The following EFNB3 variants were observed in gnomAD, a reference collection of about 807,000 sequenced individuals.
The protein encoded by EFNB3 is ephrin-B3.
Under a neutral mutation model 29.8 loss-of-function variants are expected in EFNB3, and 14 were observed. The observed-to-expected ratio is 0.47, with a 90% CI of 0.31 to 0.73. The LOEUF (loss-of-function observed/expected upper bound fraction) is 0.73. Ranked by LOEUF, EFNB3 falls within the 30% of genes least tolerant of loss-of-function variation. The pLI is 0.05. For missense variants in EFNB3, 408 were observed against 458.0 expected (o/e 0.89, Z 1.00); for synonymous variants, 216 against 191.6 (o/e 1.13, Z -1.05).
In EFNB3 at chr17:7,708,386, G is replaced by T; in HGVS notation, c.416-49G>T. 6.3e-7 allele frequency: 1 copy of T among 1,595,666 alleles called. No homozygotes were observed. Among genetic ancestry groups the T allele is most frequent in the South Asian group, 1.1e-5 (1 of 88,308 alleles). ...ACACCAGGGTGTGGGGCCAGAATCA[G>T]GGCTAGATTCTGGAGTGCCAACCTC... On this transcript the variant is annotated intron_variant, in intron 2 of 4. Transcript: ENST00000226091. The surrounding 1 kb of genome is among the most constrained non-coding windows in gnomAD (Gnocchi z 6.8).
At position 7,709,790 on chromosome 17, in the gene EFNB3, C is replaced by A; in HGVS notation, c.*214C>A. 6.4e-6 allele frequency: 4 copies of A among 624,662 alleles called. No homozygotes were observed. The highest frequency in any genetic ancestry group is 1.1e-5 in the Non-Finnish European group (4 of 354,780). The allele number at this position is 624,662 out of a possible 1,614,324, so 38.7% of individuals were successfully genotyped here. On this transcript the variant is annotated 3_prime_UTR_variant, in exon 5 of 5. Transcript: ENST00000226091. The surrounding 1 kb of genome is among the most constrained non-coding windows in gnomAD (Gnocchi z 4.5). ...CCTCCCGTTTGGCCATGGGTGCCCCCCTCTGTCTCAGTGTCCCTGGATCCT... is the reference window on the plus strand; with the variant it reads ...CCTCCCGTTTGGCCATGGGTGCCCCACTCTGTCTCAGTGTCCCTGGATCCT...
At chr17:7,706,007 TCTGTGGGAGGC>T (rs887066967) in intron 1 of EFNB3, among the ~76,000 whole-genome samples, 7 of 150,512 alleles carry the variant, frequency 4.7e-5, no homozygotes, top group South Asian at 2.1e-4. Context: ...GGTATTTGGA[TCTGTGGGAGGC>T]CTGCGTCGGG....
At position 7,705,762 on chromosome 17, in the gene EFNB3, G is replaced by A; in HGVS notation, c.122+42G>A. 6.5e-7 allele frequency: 1 copy of A among 1,527,586 alleles called. No individual in the cohort carries two copies. Among genetic ancestry groups the A allele is most frequent in the Non-Finnish European group, 8.7e-7 (1 of 1,151,522 alleles). The allele number at this position is 1,527,586 out of a possible 1,614,324, so 94.6% of individuals were successfully genotyped here. On this transcript the variant is annotated intron_variant, in intron 1 of 4. Coordinates refer to ENST00000226091, the MANE Select transcript of EFNB3 (RefSeq NM_001406.4). The surrounding 1 kb of genome is among the most constrained non-coding windows in gnomAD (Gnocchi z 5.4). ...TGGGGAGATCCCAGACCCTAGGGCA[G>A]TGGGTAGGGAAGCTCTGGGGGCTTG... is the stretch of plus-strand genomic sequence containing the variant.
At position 7,705,929 on chromosome 17, in the gene EFNB3, A is replaced by C. The variant is rs1490765372; in HGVS notation, c.122+209A>C. Among the ~76,000 whole-genome samples, 1 of 151,482 alleles carries C rather than the reference A, an allele frequency of 6.6e-6. No homozygotes were observed. The highest frequency in any genetic ancestry group is 2.4e-5 in the African/African-American group (1 of 41,200). On this transcript the variant is annotated intron_variant, in intron 1 of 4. Coordinates refer to ENST00000226091, the MANE Select transcript of EFNB3 (RefSeq NM_001406.4). The surrounding 1 kb of genome is among the most constrained non-coding windows in gnomAD (Gnocchi z 5.4). ...GGATGCGGGTGGTGCTATGGATGTC[A>C]GGAGTTTGGAGACCCCAAAGGGGCA...
intron 1 of EFNB3, among the ~76,000 whole-genome samples, chr17:7,706,220 C>T (rs1032803481): frequency 2.9e-4 from 44 of 151,398 alleles, no homozygotes; most frequent in African/African-American, 1.0e-3. Context: ...CCTTGACTCT[C>T]TTCACAGTCT....
Position 7,709,284 on chromosome 17 carries a change from G to A in EFNB3, c.731G>A (p.Gly244Glu). The A allele has an allele frequency of 6.3e-7, 1 of 1,580,684 alleles. No homozygotes were observed. Among genetic ancestry groups the A allele is most frequent in the East Asian group, 2.3e-5 (1 of 44,416 alleles). The stretch of plus-strand genomic sequence containing the variant: ...GCGCTGCTCTTGCTGGGCGTGGCAG[G>A]GGCTGGGGGTGCCATGTGTTGGCGG... ...GLALLLLGVA[G>E]AGGAMCWRRR... Residue 244 changes from glycine to glutamate, a missense_variant, in exon 5 of 5, where the codon GGG (glycine) becomes GAG (glutamate). Gly to Glu is a moderately conservative substitution (Grantham distance 98). Coordinates refer to ENST00000226091, the MANE Select transcript of EFNB3 (RefSeq NM_001406.4). This position sits in a 1 kb window ranked among gnomAD's most constrained non-coding sequence, Gnocchi z 4.5.
chr17:7,709,708 G>T lies in EFNB3; in HGVS notation c.*132G>T. The T allele has an allele frequency of 1.1e-6, 1 of 908,060 alleles. No individual in the cohort carries two copies. The highest frequency in any genetic ancestry group is 2.6e-5 in the East Asian group (1 of 37,898). 56.3% of individuals were successfully genotyped at this position (908,060 alleles called of 1,614,324 possible). A position where few individuals can be genotyped will look rare whatever the true frequency, so the allele number is the denominator to read the frequency against. ...CCCAGCCCCTTCACTCCTCCCGGCTGCTGTCCTCGTCTCCACTTTTAGGAT... is the reference window on the plus strand; with the variant it reads ...CCCAGCCCCTTCACTCCTCCCGGCTTCTGTCCTCGTCTCCACTTTTAGGAT... On this transcript the variant is annotated 3_prime_UTR_variant, in exon 5 of 5. Transcript: ENST00000226091. This position sits in a 1 kb window ranked among gnomAD's most constrained non-coding sequence, Gnocchi z 4.5.
chr17:7,707,468 C>T (rs1038580728), intron 1 of EFNB3, among the ~76,000 whole-genome samples: 2 of 152,224 alleles, frequency 1.3e-5, no homozygotes, highest in African/African-American at 4.8e-5. Context: ...CCACCCTCCA[C>T]ACAGCCCCTC....
chr17:7,707,942 A>G lies in EFNB3; in HGVS notation c.123-16A>G, dbSNP rs183841931. On this transcript the variant is annotated splice_polypyrimidine_tract_variant and intron_variant, in intron 1 of 4. Coordinates refer to ENST00000226091, the MANE Select transcript of EFNB3 (RefSeq NM_001406.4). ...CTGACATCTCTTCCTTGTCCACCTTACCCTCCTCCCCATAGGTTCCAGGCA... is the reference window on the plus strand; with the variant it reads ...CTGACATCTCTTCCTTGTCCACCTTGCCCTCCTCCCCATAGGTTCCAGGCA... 684 of 1,594,218 alleles carry G rather than the reference A, an allele frequency of 4.3e-4. 9 individuals carry two copies. The East Asian group carries it at 0.011, about 26-fold the overall frequency.
chr17:7,706,093 C>A (rs2074326828), intron 1 of EFNB3, among the ~76,000 whole-genome samples: 1 of 150,446 alleles, frequency 6.6e-6, no homozygotes, highest in Admixed American at 6.7e-5. Context: ...TTAGGTGCTG[C>A]GAGTCGCTGA....
In EFNB3 at chr17:7,708,147, T is replaced by G; in HGVS notation, c.312T>G (p.Cys104Trp). The G allele has an allele frequency of 6.2e-7, 1 of 1,614,066 alleles. No homozygotes were observed. Among genetic ancestry groups the G allele is most frequent in the Non-Finnish European group, 8.5e-7 (1 of 1,180,022 alleles). ...CTGCCCCAAACCTCCTTCTCACTTG[T>G]GATCGCCCAGACCTGGATCTCCGCT... Reference protein sequence around the residue: ...APPAPNLLLTCDRPDLDLRFT... With the variant: ...APPAPNLLLTWDRPDLDLRFT... The change falls in exon 2 of 5, where the codon TGT becomes TGG. Residue 104 changes from cysteine to tryptophan, a missense_variant. Transcript: ENST00000226091. This position sits in a 1 kb window ranked among gnomAD's most constrained non-coding sequence, Gnocchi z 6.8.
chr17:7,709,615 T>C lies in EFNB3; in HGVS notation c.*39T>C. The C allele has an allele frequency of 6.2e-7, 1 of 1,612,748 alleles. No individual in the cohort carries two copies. The highest frequency in any genetic ancestry group is 8.5e-7 in the Non-Finnish European group (1 of 1,179,594). On this transcript the variant is annotated 3_prime_UTR_variant, in exon 5 of 5. Transcript: ENST00000226091. The surrounding 1 kb of genome is among the most constrained non-coding windows in gnomAD (Gnocchi z 4.5). ...GTGGCTATCCTGAATCCAGCCCTTCTTGGGGTGCTCCTCCAGTTTAATTCC... is the reference window on the plus strand; with the variant it reads ...GTGGCTATCCTGAATCCAGCCCTTCCTGGGGTGCTCCTCCAGTTTAATTCC...
At position 7,709,507 on chromosome 17, in the gene EFNB3, T is replaced by A. The variant is rs761368685; in HGVS notation, c.954T>A (p.Tyr318Ter). 1.2e-6 allele frequency: 2 copies of A among 1,613,888 alleles called. No homozygotes were observed. Among genetic ancestry groups the A allele is most frequent in the Non-Finnish European group, 1.7e-6 (2 of 1,179,916 alleles). ...CPHYEKVSGD[Y>*]GHPVYIVQDG... ...ACTATGAGAAGGTGAGTGGTGACTA[T>A]GGGCATCCTGTGTATATCGTGCAGG... Residue 318 changes from tyrosine to a stop codon, truncating the protein, a stop_gained, in exon 5 of 5, where the codon TAT (tyrosine) becomes TAA (stop). Coordinates refer to ENST00000226091, the MANE Select transcript of EFNB3 (RefSeq NM_001406.4). LOFTEE classifies it high-confidence loss of function. The surrounding 1 kb of genome is among the most constrained non-coding windows in gnomAD (Gnocchi z 4.5).
At chr17:7,706,055 C>T (rs1321407267) in intron 1 of EFNB3, among the ~76,000 whole-genome samples, 1 of 151,128 alleles carries the variant, frequency 6.6e-6, no homozygotes, top group Non-Finnish European at 1.5e-5. Context: ...AGCCTGGTTA[C>T]TGTCAGCTCT....
rs1597426068 is a variant in EFNB3 at position 7,705,849 on chromosome 17, A to G, written c.122+129A>G. On this transcript the variant is annotated intron_variant, in intron 1 of 4. Coordinates refer to ENST00000226091, the MANE Select transcript of EFNB3 (RefSeq NM_001406.4). This position sits in a 1 kb window ranked among gnomAD's most constrained non-coding sequence, Gnocchi z 5.4. Reference sequence around the variant, plus strand: ...GAAGGTGCTGGTGCTCTGATGTGTGATGGGTTACTAGACAGGTGATCTTGG... The same window carrying G: ...GAAGGTGCTGGTGCTCTGATGTGTGGTGGGTTACTAGACAGGTGATCTTGG... 1 of 1,144,128 alleles carries G rather than the reference A, an allele frequency of 8.7e-7. No individual in the cohort carries two copies. The highest frequency in any genetic ancestry group is 1.6e-5 in the African/African-American group (1 of 60,848). The allele number at this position is 1,144,128 out of a possible 1,614,324, so 70.9% of individuals were successfully genotyped here.
Position 7,709,766 on chromosome 17 carries a change from C to A in EFNB3, c.*190C>A. On this transcript the variant is annotated 3_prime_UTR_variant, in exon 5 of 5. Transcript: ENST00000226091. This position sits in a 1 kb window ranked among gnomAD's most constrained non-coding sequence, Gnocchi z 4.5. ...GATTCCCACTGCCCCACTTCCTGCC[C>A]TCCCGTTTGGCCATGGGTGCCCCCC... The A allele has an allele frequency of 1.5e-6, 1 of 676,116 alleles. No homozygotes were observed. The highest frequency in any genetic ancestry group is 2.6e-5 in the Admixed American group (1 of 38,030). 41.9% of individuals were successfully genotyped at this position (676,116 alleles called of 1,614,324 possible).
At position 7,709,477 on chromosome 17, in the gene EFNB3, C is replaced by T. The variant is rs759736010; in HGVS notation, c.924C>T (p.Cys308=). 3 of 1,613,668 alleles carry T rather than the reference C, an allele frequency of 1.9e-6. No homozygotes were observed. Among genetic ancestry groups the T allele is most frequent in the African/African-American group, 1.3e-5 (1 of 74,940 alleles). Residue 308 remains cysteine, a synonymous_variant, in exon 5 of 5, where the codon TGC becomes TGT. Transcript: ENST00000226091. The surrounding 1 kb of genome is among the most constrained non-coding windows in gnomAD (Gnocchi z 4.5). ...GCGGGGCTGCAGATCCCCCCTTCTG[C>T]CCCCACTATGAGAAGGTGAGTGGTG... ...RGGGAADPPF[C]PHYEKVSGDY...
Position 7,710,997 on chromosome 17 carries a change from A to G in EFNB3, c.*1421A>G, listed in dbSNP as rs2074347805. The G allele has an allele frequency of 6.6e-6, 1 of 152,600 alleles. No homozygotes were observed. The highest frequency in any genetic ancestry group is 1.5e-5 in the Non-Finnish European group (1 of 68,042). The allele number at this position is 152,600 out of a possible 1,614,324, so 9.5% of individuals were successfully genotyped here. A position where few individuals can be genotyped will look rare whatever the true frequency, so the allele number is the denominator to read the frequency against. ...GGTGGCCTACTGGCTGGTCTAGCTG[A>G]CAGTGGTACTTAGCAAAGGCCACTG... On this transcript the variant is annotated 3_prime_UTR_variant, in exon 5 of 5. Coordinates refer to ENST00000226091, the MANE Select transcript of EFNB3 (RefSeq NM_001406.4).
In EFNB3 at chr17:7,709,922, G is replaced by T; in HGVS notation, c.*346G>T. 2.4e-6 allele frequency: 1 copy of T among 410,464 alleles called. No homozygotes were observed. The highest frequency in any genetic ancestry group is 4.4e-6 in the Non-Finnish European group (1 of 227,592). 25.4% of individuals were successfully genotyped at this position (410,464 alleles called of 1,614,324 possible). A position where few individuals can be genotyped will look rare whatever the true frequency, so the allele number is the denominator to read the frequency against. On this transcript the variant is annotated 3_prime_UTR_variant, in exon 5 of 5. Transcript: ENST00000226091. This position sits in a 1 kb window ranked among gnomAD's most constrained non-coding sequence, Gnocchi z 4.5. ...TAGGGGCGGGAACAGCCCACCTTTT[G>T]GTTGGCACCGCCTTCTTTCTGCCTC...
Sources: gnomAD v4.1 joint callset for allele counts (sites outside exome capture counted in the v4.1 genomes callset) on GRCh38, gnomAD v4.1.1 for gene constraint, Gnocchi (gnomAD v3.1) non-coding constraint, MANE v1.5 for transcripts, NCBI Gene and HGNC (gene_info 2026-07-23, HGNC 2026-07-21) for gene names.